The following LSAMP variants were observed in gnomAD, a reference collection of about 807,000 sequenced individuals.
LSAMP encodes the protein limbic system-associated membrane protein.
Under a neutral mutation model 38.6 loss-of-function variants are expected in LSAMP, and 7 were observed. The observed-to-expected ratio is 0.18, with a 90% CI of 0.10 to 0.34. LSAMP has a LOEUF of 0.34. Ranked by LOEUF, LSAMP falls within the 10% of genes least tolerant of loss-of-function variation. LSAMP has a pLI of 1.00. For synonymous variants in LSAMP, 154 were observed against 166.8 expected (o/e 0.92, Z 0.59); for missense variants, 313 against 420.0 (o/e 0.75, Z 2.23).
intron 1 of LSAMP, among the ~76,000 whole-genome samples, chr3:116,229,864 G>A (rs1265695824): frequency 1.3e-5 from 2 of 152,182 alleles, no homozygotes; most frequent in Admixed American, 1.3e-4. Flanking sequence ...CAGGAGCATA[G>A]CAGTTATTGA....
intron 1 of LSAMP, among the ~76,000 whole-genome samples, chr3:116,292,477 G>T (rs981309626): frequency 2.0e-5 from 3 of 152,100 alleles, no homozygotes; most frequent in Non-Finnish European, 4.4e-5. Flanking sequence ...AGAAAATCAG[G>T]TCTCTAATCT....
intron 3 of LSAMP, among the ~76,000 whole-genome samples, chr3:115,952,114 G>T (rs1300887186): frequency 6.6e-6 from 1 of 152,092 alleles, no homozygotes; most frequent in Non-Finnish European, 1.5e-5. Context: ...TTACACTGCT[G>T]GTGGGAATGT....
chr3:115,828,902 C>A (rs2107479348), intron 6 of LSAMP, among the ~76,000 whole-genome samples: 1 of 152,230 alleles, frequency 6.6e-6, no homozygotes, highest in East Asian at 1.9e-4. Context: ...ACAGGGAGCT[C>A]ACCAGGAAAG....
chr3:116,243,025 GA>G (rs2046559026), intron 1 of LSAMP, among the ~76,000 whole-genome samples: 1 of 152,224 alleles, frequency 6.6e-6, no homozygotes, highest in Admixed American at 6.5e-5. Context: ...GGAAGAGAAT[GA>G]GAAGTCAACC....
rs190047289 is a variant in LSAMP, at chr3:115,854,199, C to A, written c.515-1582G>T. Among the ~76,000 whole-genome samples, 8 of 150,656 alleles carry A rather than the reference C, an allele frequency of 5.3e-5. No individual in the cohort carries two copies. The East Asian group carries it at 1.4e-3, about 26-fold the overall frequency. ...AGTTCTGCACATTATCTTTATCTAG[C>A]ACATGCTTCTACTGAGAATGTTTTA... On this transcript the variant is annotated intron_variant, in intron 3 of 6. Transcript: ENST00000490035.
intron 6 of LSAMP, among the ~76,000 whole-genome samples, chr3:115,837,711 C>G (rs1381854104): frequency 6.6e-6 from 1 of 152,182 alleles, no homozygotes; most frequent in Non-Finnish European, 1.5e-5. Flanking sequence ...GATATATCTC[C>G]TAATATTTAT....
intron 1 of LSAMP, among the ~76,000 whole-genome samples, chr3:116,155,918 G>GC (rs1559762886): frequency 6.6e-6 from 1 of 152,140 alleles, no homozygotes; most frequent in Non-Finnish European, 1.5e-5. Flanking sequence ...AAAACTGTTT[G>GC]CTGTAAAACA....
chr3:116,374,771 A>G (rs1007701355), intron 1 of LSAMP, among the ~76,000 whole-genome samples: 7 of 151,852 alleles, frequency 4.6e-5, no homozygotes, highest in Admixed American at 4.6e-4. Flanking sequence ...CAATCATCCT[A>G]CACATTTCTC....
intron 3 of LSAMP, among the ~76,000 whole-genome samples, chr3:116,005,553 C>T (rs113216146): frequency 0.017 from 2,579 of 152,286 alleles, 63 homozygotes; most frequent in African/African-American, 0.056. Context: ...TTAGCAACAT[C>T]ACACACTAGC....
At chr3:116,296,621 G>A (rs2107700369) in intron 1 of LSAMP, among the ~76,000 whole-genome samples, 1 of 149,746 alleles carries the variant, frequency 6.7e-6, no homozygotes, top group African/African-American at 2.5e-5. Flanking sequence ...CGTTAACCCG[G>A]GAGGCAGAGC....
intron 1 of LSAMP, among the ~76,000 whole-genome samples, chr3:116,197,850 C>T (rs1033522102): frequency 1.3e-5 from 2 of 151,908 alleles, no homozygotes; most frequent in East Asian, 1.9e-4. Context: ...TTATGGACAA[C>T]TTTATTATAA....
At chr3:116,110,312 A>G (rs552799659) in intron 1 of LSAMP, among the ~76,000 whole-genome samples, 80 of 149,990 alleles carry the variant, frequency 5.3e-4, no homozygotes, top group African/African-American at 1.9e-3. Context: ...AAGGGGTTGG[A>G]GTACTTGCCC....
intron 1 of LSAMP, among the ~76,000 whole-genome samples, chr3:116,413,658 A>G (rs1375942761): frequency 6.6e-6 from 1 of 152,114 alleles, no homozygotes; most frequent in Non-Finnish European, 1.5e-5. Flanking sequence ...TCCTATGCAC[A>G]TGCAGCAGGC....
chr3:115,928,382 C>T (rs1028100337), intron 3 of LSAMP, among the ~76,000 whole-genome samples: 2 of 152,140 alleles, frequency 1.3e-5, no homozygotes, highest in African/African-American at 4.8e-5. Flanking sequence ...GAAGACAGTG[C>T]CTAGTAGTTC....
chr3:116,131,299 CA>C (rs1709128392), intron 1 of LSAMP, among the ~76,000 whole-genome samples: 1 of 152,034 alleles, frequency 6.6e-6, no homozygotes, highest in African/African-American at 2.4e-5. Context: ...CCTAAGGTTC[CA>C]CACTTTTATC....
intron 1 of LSAMP, among the ~76,000 whole-genome samples, chr3:116,289,910 T>TATCA (rs1191202038): frequency 1.3e-5 from 2 of 152,238 alleles, no homozygotes; most frequent in African/African-American, 4.8e-5. Flanking sequence ...ATTAAAAAGC[T>TATCA]ATCACAGTAC....
chr3:115,943,105 C>T (rs957603030), intron 3 of LSAMP, among the ~76,000 whole-genome samples: 11 of 152,062 alleles, frequency 7.2e-5, no homozygotes, highest in African/African-American at 2.7e-4. Flanking sequence ...ATGAGGGGGG[C>T]ACATTTCAGT....
chr3:116,389,236 C>G (rs1576184151), intron 1 of LSAMP, among the ~76,000 whole-genome samples: 1 of 152,146 alleles, frequency 6.6e-6, no homozygotes, highest in Non-Finnish European at 1.5e-5. Context: ...CACAGGCTCT[C>G]TAGTGTCTCT....
At chr3:115,996,027 A>G (rs1350627969) in intron 3 of LSAMP, among the ~76,000 whole-genome samples, 4 of 151,968 alleles carry the variant, frequency 2.6e-5, no homozygotes, top group Non-Finnish European at 5.9e-5. Flanking sequence ...ACCTTAGAAT[A>G]TATTTTAAAT....
Sources: gnomAD v4.1 joint callset for allele counts (sites outside exome capture counted in the v4.1 genomes callset) on GRCh38, gnomAD v4.1.1 for gene constraint, MANE v1.5 for transcripts, NCBI Gene and HGNC (gene_info 2026-07-23, HGNC 2026-07-21) for gene names.